Variants in SCAPER observed in about 807,000 individuals in gnomAD.
SCAPER encodes S-phase cyclin A associated protein in the ER, also known as S phase cyclin A-associated protein in the endoplasmic reticulum.
In SCAPER, 98 loss-of-function variants were observed where a neutral mutation model predicts 182.2. The ratio of observed to expected loss-of-function variants is 0.54; its 90% confidence interval spans 0.46 to 0.64. The LOEUF is 0.64. Ranked by LOEUF, SCAPER falls within the 30% of genes least tolerant of loss-of-function variation. SCAPER has a pLI of 0.00. For synonymous variants in SCAPER, 605 were observed against 564.6 expected, an observed-to-expected ratio of 1.07 and a Z score of -1.01; for missense variants, 1,432 against 1,690.0, an observed-to-expected ratio of 0.85 and a Z score of 2.68.
intron 15 of SCAPER, among the ~76,000 whole-genome samples, chr15:76,738,959 T>C (rs955451191): frequency 7.2e-5 from 11 of 152,210 alleles, no homozygotes; most frequent in African/African-American, 2.7e-4. Flanking sequence ...GTAAGTATCT[T>C]TGAAGCCCAA....
chr15:76,574,627 A>G (rs986068735), intron 22 of SCAPER, among the ~76,000 whole-genome samples: 1 of 152,246 alleles, frequency 6.6e-6, no homozygotes, highest in Non-Finnish European at 1.5e-5. Flanking sequence ...GAAAATGAGT[A>G]TAAGAACCTG....
intron 4 of SCAPER, among the ~76,000 whole-genome samples, chr15:76,851,461 T>C (rs1670476557): frequency 6.6e-6 from 1 of 151,950 alleles, no homozygotes; most frequent in Non-Finnish European, 1.5e-5. Context: ...GCAGGTCACC[T>C]ACAAAGGGAA....
intron 7 of SCAPER, among the ~76,000 whole-genome samples, chr15:76,798,691 C>T (rs2065519912): frequency 6.6e-6 from 1 of 151,990 alleles, no homozygotes; most frequent in Non-Finnish European, 1.5e-5. Flanking sequence ...TTCAAGGATC[C>T]TCAATAACAG....
intron 23 of SCAPER, among the ~76,000 whole-genome samples, chr15:76,535,807 A>G (rs1031149505): frequency 6.6e-6 from 1 of 152,166 alleles, no homozygotes; most frequent in Non-Finnish European, 1.5e-5. Context: ...TCATCAGTTT[A>G]TGAATCATCT....
chr15:76,650,757 A>C (rs1387287100), intron 21 of SCAPER, among the ~76,000 whole-genome samples: 1 of 152,148 alleles, frequency 6.6e-6, no homozygotes, highest in African/African-American at 2.4e-5. Flanking sequence ...TGTCCAAGGC[A>C]GACCAGTTGC....
intron 21 of SCAPER, among the ~76,000 whole-genome samples, chr15:76,646,278 C>T (rs1384393942): frequency 1.3e-5 from 2 of 152,044 alleles, no homozygotes; most frequent in Non-Finnish European, 2.9e-5. Context: ...ACACGCACCC[C>T]CCATCCTCTC....
At chr15:76,426,219 T>C (rs2046413587) in intron 26 of SCAPER, among the ~76,000 whole-genome samples, 1 of 152,230 alleles carries the variant, frequency 6.6e-6, no homozygotes, top group African/African-American at 2.4e-5. Flanking sequence ...AGGTGGAGTC[T>C]ACAGAGGCAG....
At position 76,404,655 on chromosome 15, in the gene SCAPER, A is replaced by C; in HGVS notation, c.3336T>G (p.Ile1112Met). 1 of 1,612,388 alleles carries C rather than the reference A, an allele frequency of 6.2e-7. No homozygotes were observed. The highest frequency in any genetic ancestry group is 1.1e-5 in the South Asian group (1 of 91,016). ...AGAGGAAGCAGGCACACAGTTTGTC[A>C]ATCAGACCCATGTTCACCACGTAGC... Reference protein sequence around the residue: ...LISYVVNMGLIDKLCACFLSV... With the variant: ...LISYVVNMGLMDKLCACFLSV... Residue 1112 changes from isoleucine to methionine, a missense_variant, in exon 27 of 32, where the codon ATT becomes ATG. Transcript: ENST00000563290.
chr15:76,875,530 C>G (rs1487984670), intron 2 of SCAPER, among the ~76,000 whole-genome samples: 1 of 152,158 alleles, frequency 6.6e-6, no homozygotes, highest in Non-Finnish European at 1.5e-5. Context: ...GTAATTCCAG[C>G]TACTCAGGAG....
At chr15:76,846,730 T>TGGGA (rs1328460166) in intron 4 of SCAPER, among the ~76,000 whole-genome samples, 4 of 151,910 alleles carry the variant, frequency 2.6e-5, no homozygotes, top group African/African-American at 9.7e-5. Context: ...TGGGAAAAAA[T>TGGGA]GGAACCCTGG....
intron 17 of SCAPER, among the ~76,000 whole-genome samples, chr15:76,715,592 C>T (rs1211380398): frequency 6.6e-6 from 1 of 152,098 alleles, no homozygotes; most frequent in African/African-American, 2.4e-5. Flanking sequence ...CCACTGGACC[C>T]AGCCTCATAG....
intron 5 of SCAPER, among the ~76,000 whole-genome samples, chr15:76,821,565 A>C (rs113288297): frequency 0.033 from 4,984 of 151,996 alleles, 118 homozygotes; most frequent in Non-Finnish European, 0.049. Context: ...TTGAGGCTGC[A>C]GTGATCTCTG....
chr15:76,737,347 G>A (rs1389770290), intron 15 of SCAPER, among the ~76,000 whole-genome samples: 1 of 152,208 alleles, frequency 6.6e-6, no homozygotes, highest in Non-Finnish European at 1.5e-5. Context: ...AGTAACCAGT[G>A]CATTGTCAGT....
intron 16 of SCAPER, among the ~76,000 whole-genome samples, chr15:76,732,906 G>T (rs2061008575): frequency 6.6e-6 from 1 of 152,174 alleles, no homozygotes; most frequent in African/African-American, 2.4e-5. Context: ...CTGCCAGGCA[G>T]GGAAGGGCCT....
chr15:76,753,090 G>A (rs1352997899), intron 15 of SCAPER, among the ~76,000 whole-genome samples: 1 of 151,678 alleles, frequency 6.6e-6, no homozygotes, highest in African/African-American at 2.4e-5. Context: ...ATTGTAAGAT[G>A]CTATACACCA....
At chr15:76,779,412 C>A (rs1383368961) in intron 8 of SCAPER, among the ~76,000 whole-genome samples, 5 of 152,064 alleles carry the variant, frequency 3.3e-5, no homozygotes, top group African/African-American at 1.2e-4. Context: ...AGGAATACTA[C>A]AAACAACTTT....
chr15:76,504,899 G>A lies in SCAPER; in HGVS notation c.2914C>T (p.Pro972Ser), dbSNP rs1489621359. The change falls in exon 24 of 32, where the codon CCA (proline) becomes TCA (serine). Residue 972 changes from proline to serine, a missense_variant. Pro to Ser is a moderately conservative substitution (Grantham distance 74, BLOSUM62 -1). Coordinates refer to ENST00000563290, the MANE Select transcript of SCAPER (RefSeq NM_020843.4). The stretch of plus-strand genomic sequence containing the variant: ...AAAACTGTGTTCACATTTGTGGCTG[G>A]GACTACTGCTTGAAGGATGTGTTCA... Reference protein sequence around the residue: ...ALEHILQAVVPATNVNTVLRI... With the variant: ...ALEHILQAVVSATNVNTVLRI... 3 of 1,612,072 alleles carry A rather than the reference G, an allele frequency of 1.9e-6. No homozygotes were observed. The African/African-American group carries it at 4.0e-5, about 22-fold the overall frequency.
chr15:76,540,206 G>T (rs2044606278), intron 23 of SCAPER, among the ~76,000 whole-genome samples: 1 of 152,230 alleles, frequency 6.6e-6, no homozygotes, highest in Admixed American at 6.5e-5. Flanking sequence ...TTCAAGACCA[G>T]CCTGGGCAAC....
intron 26 of SCAPER, among the ~76,000 whole-genome samples, chr15:76,413,398 G>C (rs2045430130): frequency 6.6e-6 from 1 of 152,162 alleles, no homozygotes; most frequent in Non-Finnish European, 1.5e-5. Context: ...TCATGAAGTA[G>C]TGTTACATTT....
Sources: allele counts gnomAD v4.1 joint callset (sites outside exome capture counted in the v4.1 genomes callset), GRCh38; gene constraint gnomAD v4.1.1; transcripts MANE v1.5; gene names NCBI Gene and HGNC (gene_info 2026-07-23, HGNC 2026-07-21).